LTBP1: variants seen among roughly 807,000 people sequenced by gnomAD.
LTBP1 encodes the protein latent transforming growth factor beta binding protein 1.
LTBP1 carries 129 observed loss-of-function variants against 207.6 expected under a neutral mutation model. The ratio of observed to expected loss-of-function variants is 0.62; its 90% CI spans 0.54 to 0.72. LTBP1 has a LOEUF of 0.72. LTBP1 is among the 30% of genes least tolerant of loss of function. LTBP1 has a pLI of 0.00. For missense variants in LTBP1, 2,281 were observed against 2,217.2 expected, an observed-to-expected ratio of 1.03 and a Z score of -0.58; for synonymous variants, 963 against 833.7, an observed-to-expected ratio of 1.16 and a Z score of -2.67.
At chr2:33,377,070 C>T (rs566869667) in intron 31 of LTBP1, among the ~76,000 whole-genome samples, 3 of 152,268 alleles carry the variant, frequency 2.0e-5, no homozygotes, top group Admixed American at 1.3e-4. Flanking sequence ...GAAAAGCAAA[C>T]ATGGTTTGCC....
At chr2:33,046,302 T>G (rs2076439699) in intron 3 of LTBP1, among the ~76,000 whole-genome samples, 1 of 152,210 alleles carries the variant, frequency 6.6e-6, no homozygotes, top group Admixed American at 6.5e-5. Flanking sequence ...ATACTTAGTT[T>G]ATTGAGAGTT....
chr2:33,373,695 A>G (rs2095100272), intron 31 of LTBP1, among the ~76,000 whole-genome samples: 1 of 152,194 alleles, frequency 6.6e-6, no homozygotes, highest in Non-Finnish European at 1.5e-5. Flanking sequence ...AATTATTTAT[A>G]ACTTACCTGT....
chr2:33,298,844 C>A (rs1304015573), intron 20 of LTBP1, among the ~76,000 whole-genome samples: 1 of 152,108 alleles, frequency 6.6e-6, no homozygotes, highest in African/African-American at 2.4e-5. Flanking sequence ...ACTCCAATTA[C>A]ATTAATACTT....
At chr2:32,951,370 G>A (rs1025759264) in intron 2 of LTBP1, among the ~76,000 whole-genome samples, 5 of 152,218 alleles carry the variant, frequency 3.3e-5, no homozygotes, top group Admixed American at 1.3e-4. Flanking sequence ...GTAGGTCAGC[G>A]TGCGATCCAA....
intron 15 of LTBP1, among the ~76,000 whole-genome samples, chr2:33,264,882 G>T (rs1183568089): frequency 1.3e-5 from 2 of 152,144 alleles, no homozygotes; most frequent in African/African-American, 4.8e-5. Context: ...GAAATTCCAG[G>T]CCAAGGAAGG....
At position 33,363,482 on chromosome 2, in the gene LTBP1, G is replaced by A; in HGVS notation, c.4363G>A (p.Gly1455Arg). 1 of 1,613,900 alleles carries A rather than the reference G, an allele frequency of 6.2e-7. No individual in the cohort carries two copies. The highest frequency in any genetic ancestry group is 8.5e-7 in the Non-Finnish European group (1 of 1,179,830). The change falls in exon 29 of 34, where the codon GGG becomes AGG. Residue 1455 changes from glycine (G) to arginine (R), a missense_variant. Physicochemically the swap from Gly to Arg is moderately radical, Grantham distance 125. Transcript: ENST00000404816. ...TGGGTATGAATGCTACTGTAAGCAA[G>A]GGACGTACTATGATCCTGTGAAACT... ...RPGYECYCKQ[G>R]TYYDPVKLQC... is the part of the protein sequence containing the mutation.
rs576598664 is a variant in LTBP1 at position 33,334,504 on chromosome 2, A to G, written c.3731-8334A>G. ...GTGAAAGATAATGTGTCCTTGAATA[A>G]GGCTGGAGAGGAAAGGAGAGACTGG... On this transcript the variant is annotated intron_variant, in intron 24 of 33. Transcript: ENST00000404816. Among the ~76,000 whole-genome samples, 49 of 152,322 alleles carry G rather than the reference A, an allele frequency of 3.2e-4. No homozygotes were observed. The South Asian group carries it at 8.9e-3, about 28-fold the overall frequency.
At chr2:33,264,535 A>G (rs767309114) in intron 15 of LTBP1, among the ~76,000 whole-genome samples, 3 of 152,226 alleles carry the variant, frequency 2.0e-5, no homozygotes, top group Non-Finnish European at 4.4e-5. Flanking sequence ...GAGCTCTTAT[A>G]AATCAATAGG....
chr2:33,391,915 T>G (rs1357444706), intron 32 of LTBP1, among the ~76,000 whole-genome samples: 1 of 152,234 alleles, frequency 6.6e-6, no homozygotes, highest in Non-Finnish European at 1.5e-5. Context: ...GCTTGGACGA[T>G]GTAATGGCCT....
chr2:33,306,945 G>T (rs1156359778), intron 22 of LTBP1, among the ~76,000 whole-genome samples: 2 of 152,032 alleles, frequency 1.3e-5, no homozygotes, highest in Non-Finnish European at 2.9e-5. Flanking sequence ...AAAATCAGTT[G>T]GGCGTGGTGG....
chr2:33,180,599 A>G (rs1382083824), intron 5 of LTBP1, among the ~76,000 whole-genome samples: 1 of 151,842 alleles, frequency 6.6e-6, no homozygotes, highest in Non-Finnish European at 1.5e-5. Context: ...CTACAGGTAC[A>G]TGCCACCATG....
intron 3 of LTBP1, among the ~76,000 whole-genome samples, chr2:33,105,672 A>T (rs1215843765): frequency 3.3e-5 from 5 of 152,100 alleles, no homozygotes; most frequent in Non-Finnish European, 1.5e-5. Flanking sequence ...ACCTCAGGTG[A>T]TCCACCCGCT....
intron 9 of LTBP1, among the ~76,000 whole-genome samples, chr2:33,228,395 G>A (rs2149509739): frequency 6.6e-6 from 1 of 152,270 alleles, no homozygotes; most frequent in Non-Finnish European, 1.5e-5. Context: ...TTGAGACCTA[G>A]AGAGGCTAAG....
chr2:33,251,893 G>A (rs751147704), intron 10 of LTBP1, among the ~76,000 whole-genome samples: 7 of 152,116 alleles, frequency 4.6e-5, no homozygotes, highest in Non-Finnish European at 1.0e-4. Flanking sequence ...CTTGAAGGCA[G>A]GGCTGTGTTT....
chr2:33,195,823 A>G (rs2088483943), intron 7 of LTBP1, among the ~76,000 whole-genome samples: 1 of 152,190 alleles, frequency 6.6e-6, no homozygotes, highest in Admixed American at 6.5e-5. Flanking sequence ...AGGGTCAGGT[A>G]AAGCTGCAGA....
chr2:32,964,986 G>C (rs1012428426), intron 2 of LTBP1, among the ~76,000 whole-genome samples: 2 of 152,254 alleles, frequency 1.3e-5, no homozygotes, highest in South Asian at 4.1e-4. Context: ...GTTGCAGTGA[G>C]CTGAGATCGC....
chr2:33,178,076 C>G (rs1026683508), intron 5 of LTBP1, among the ~76,000 whole-genome samples: 1 of 152,154 alleles, frequency 6.6e-6, no homozygotes, highest in Admixed American at 6.5e-5. Flanking sequence ...TCAGCCACCT[C>G]ATTTTTGCAG....
At chr2:33,318,141 C>T (rs555627447) in intron 24 of LTBP1, among the ~76,000 whole-genome samples, 1 of 152,140 alleles carries the variant, frequency 6.6e-6, no homozygotes, top group South Asian at 2.1e-4. Context: ...TTACCACCAC[C>T]CCCCAAAAAA....
chr2:33,346,444 G>A (rs1203208732), intron 25 of LTBP1, among the ~76,000 whole-genome samples: 1 of 152,172 alleles, frequency 6.6e-6, no homozygotes, highest in Non-Finnish European at 1.5e-5. Flanking sequence ...AGCACTTTGG[G>A]AGGCCGAGGC....
Sources: gnomAD v4.1 joint callset for allele counts (sites outside exome capture counted in the v4.1 genomes callset) on GRCh38, gnomAD v4.1.1 for gene constraint, MANE v1.5 for transcripts, NCBI Gene and HGNC (gene_info 2026-07-23, HGNC 2026-07-21) for gene names.